FANCA: variants seen among roughly 807,000 people sequenced by gnomAD.
FANCA encodes the protein Fanconi anemia group A protein.
A neutral mutation model predicts 194.3 loss-of-function variants in FANCA; 236 were observed. That is an observed-to-expected ratio of 1.21 (90% CI 1.09 to 1.35). The LOEUF (loss-of-function observed/expected upper bound fraction) is 1.35. FANCA is among the 40% of genes most tolerant of loss of function. The pLI is 0.00. For synonymous variants in FANCA, 1,014 were observed against 715.8 expected (o/e 1.42, Z -6.65); for missense variants, 2,628 against 1,813.9 (o/e 1.45, Z -8.15).
chr16:89,810,274 G>C (rs530631653), intron 5 of FANCA, among the ~76,000 whole-genome samples: 4 of 147,420 alleles, frequency 2.7e-5, no homozygotes, highest in African/African-American at 7.6e-5. Context: ...AGTGAGCCAA[G>C]ATCACGCCAC....
intron 14 of FANCA, among the ~76,000 whole-genome samples, chr16:89,789,080 CA>C (rs936779597): frequency 1.2e-4 from 18 of 152,092 alleles, no homozygotes; most frequent in African/African-American, 4.1e-4. Context: ...GATTCTGGCA[CA>C]AATCTCTCAG....
At chr16:89,771,881 A>G in intron 22 of FANCA, 67 bp from the exon 23 acceptor site, 3 of 1,587,810 alleles carry the variant, frequency 1.9e-6, no homozygotes, top group Non-Finnish European at 1.7e-6. Context: ...TGCGGCCTAG[A>G]GAGCTCCGCC....
chr16:89,791,628 G>T, intron 13 of FANCA, 92 bp from the exon 14 acceptor site: 2 of 1,551,320 alleles, frequency 1.3e-6, no homozygotes, highest in Non-Finnish European at 8.8e-7. Context: ...TATTCCAGAA[G>T]GAGACTGTGC....
intron 32 of FANCA, among the ~76,000 whole-genome samples, chr16:89,749,134 C>T (rs887789016): frequency 6.6e-6 from 1 of 152,172 alleles, no homozygotes; most frequent in African/African-American, 2.4e-5. Flanking sequence ...TAAATGCAGC[C>T]GCCGTGGGCA....
At position 89,740,044 on chromosome 16, in the gene FANCA, A is replaced by G. The variant is rs986710868; in HGVS notation, c.3884T>C (p.Leu1295Ser). Residue 1295 changes from leucine to serine, a missense_variant, in exon 39 of 43, where the codon TTA becomes TCA. Physicochemically the swap from Leu to Ser is moderately radical, Grantham distance 145. Coordinates refer to ENST00000389301, the MANE Select transcript of FANCA (RefSeq NM_000135.4). ...FHVCAAILEC[L>S]EKRKISWLAL... is the part of the protein sequence containing the mutation. ...CAGCCAGGATATCTTCCTCTTCTCT[A>G]AACACTCGAGGATTGCTGCACAAAC... 2 of 1,614,126 alleles carry G rather than the reference A, an allele frequency of 1.2e-6. No homozygotes were observed. The highest frequency in any genetic ancestry group is 1.7e-6 in the Non-Finnish European group (2 of 1,180,032).
chr16:89,766,349 C>T (rs780016096), intron 27 of FANCA, among the ~76,000 whole-genome samples: 3 of 152,058 alleles, frequency 2.0e-5, no homozygotes, highest in Non-Finnish European at 1.5e-5. Flanking sequence ...AAAAGGACAA[C>T]ACTGGTTTGC....
chr16:89,740,463 C>T (rs904663457), intron 38 of FANCA: 5 of 456,108 alleles, frequency 1.1e-5, no homozygotes, highest in East Asian at 4.1e-5. Context: ...GGTGAAACCC[C>T]GTCTCTACTA....
At chr16:89,783,664 C>A (rs1245042916) in intron 15 of FANCA, among the ~76,000 whole-genome samples, 1 of 152,162 alleles carries the variant, frequency 6.6e-6, no homozygotes, top group Admixed American at 6.6e-5. Context: ...ACTGGGGGAA[C>A]CAGGGATGTG....
chr16:89,804,990 C>A (rs562423362), intron 7 of FANCA, among the ~76,000 whole-genome samples: 1 of 152,134 alleles, frequency 6.6e-6, no homozygotes, highest in East Asian at 1.9e-4. Flanking sequence ...GAGCTGAGAT[C>A]GCGCCACTGT....
chr16:89,772,620 C>T (rs1223220226), intron 22 of FANCA, among the ~76,000 whole-genome samples: 1 of 152,166 alleles, frequency 6.6e-6, no homozygotes, highest in Non-Finnish European at 1.5e-5. Context: ...ATTTCAAAAC[C>T]AGCCTGGCCA....
chr16:89,811,583 C>T (rs934064688), intron 3 of FANCA, among the ~76,000 whole-genome samples: 32 of 152,160 alleles, frequency 2.1e-4, no homozygotes, highest in African/African-American at 6.5e-4. Flanking sequence ...CCAAGTGGAA[C>T]CTCACTAACA....
At chr16:89,759,823 G>A (rs2038889194) in intron 29 of FANCA, among the ~76,000 whole-genome samples, 1 of 152,228 alleles carries the variant, frequency 6.6e-6, no homozygotes, top group Admixed American at 6.5e-5. Flanking sequence ...TATGCAGAAA[G>A]AGCCACAACC....
intron 10 of FANCA, 180 bp downstream of exon 10, chr16:89,798,986 G>T: frequency 6.2e-7 from 1 of 1,613,898 alleles, no homozygotes; most frequent in Non-Finnish European, 8.5e-7. Flanking sequence ...AGGCTGACCA[G>T]AGCGTTCCCC....
In FANCA at chr16:89,783,005, G is replaced by A. The variant is rs1316950815; in HGVS notation, c.1566+2C>T. The A allele has an allele frequency of 6.2e-6, 10 of 1,613,912 alleles. No homozygotes were observed. The highest frequency in any genetic ancestry group is 1.3e-5 in the African/African-American group (1 of 75,052). The stretch of plus-strand genomic sequence containing the variant: ...AGGAGTGGGCATGGAGGGACAGCTT[G>A]CCTTGAGGTCGGCCAGCCGTGTCTT... On this transcript the variant is annotated splice_donor_variant, in intron 16 of 42. Coordinates refer to ENST00000389301, the MANE Select transcript of FANCA (RefSeq NM_000135.4). LOFTEE classifies it low-confidence loss of function (GC_TO_GT_DONOR).
chr16:89,777,522 G>C (rs1356363615), intron 20 of FANCA, among the ~76,000 whole-genome samples: 4 of 150,440 alleles, frequency 2.7e-5, no homozygotes, highest in African/African-American at 9.8e-5. Flanking sequence ...TCAGGAGTTT[G>C]AGACCAGTCT....
chr16:89,776,352 A>G (rs2039506342), intron 20 of FANCA, among the ~76,000 whole-genome samples: 2 of 151,086 alleles, frequency 1.3e-5, no homozygotes, highest in South Asian at 4.2e-4. Context: ...TATTTTTAGT[A>G]GAGACGGAGT....
chr16:89,805,365 C>G lies in FANCA; in HGVS notation c.624G>C (p.Ser208=). 1 of 1,613,938 alleles carries G rather than the reference C, an allele frequency of 6.2e-7. No homozygotes were observed. Among genetic ancestry groups the G allele is most frequent in the South Asian group, 1.1e-5 (1 of 91,056 alleles). ...GGCAGCACAGATTCCTGAAGAGCCA[C>G]GATCCCACAGCATGCATGTCGGGAT... ...ESHPDMHAVG[S]WLFRNLCCLC... Residue 208 remains serine, a synonymous_variant, in exon 7 of 43, where the codon TCG becomes TCC. Coordinates refer to ENST00000389301, the MANE Select transcript of FANCA (RefSeq NM_000135.4).
At chr16:89,789,308 G>GGT (rs938299070) in intron 14 of FANCA, among the ~76,000 whole-genome samples, 5 of 103,866 alleles carry the variant, frequency 4.8e-5, no homozygotes, top group African/African-American at 1.8e-4. Flanking sequence ...AGAAGGCCTG[G>GGT]GGGGGGAGCA....
chr16:89,744,856 C>T, intron 36 of FANCA, 103 bp downstream of exon 36: 1 of 1,058,880 alleles, frequency 9.4e-7, no homozygotes, highest in Non-Finnish European at 1.4e-6. Context: ...AGAGGCTGCC[C>T]ACACCGCTTC....
Sources: gnomAD v4.1 joint callset for allele counts (sites outside exome capture counted in the v4.1 genomes callset) on GRCh38, gnomAD v4.1.1 for gene constraint, MANE v1.5 for transcripts, NCBI Gene and HGNC (gene_info 2026-07-23, HGNC 2026-07-21) for gene names.